The following LACC1 variants were observed in gnomAD, a reference collection of about 807,000 sequenced individuals.
LACC1 encodes laccase domain multifunctional purine nucleosidase 1.
In LACC1, 25 loss-of-function variants were observed where a neutral mutation model predicts 34.8. That is an observed-to-expected ratio of 0.72 (90% CI 0.52 to 1.00). The LOEUF is 1.00. LACC1 is among the 50% of genes least tolerant of loss of function. The probability of loss-of-function intolerance (pLI) is 0.00; values close to 1 mark genes in which losing one functional copy is unlikely to be tolerated. For synonymous variants in LACC1, 162 were observed against 168.0 expected, an observed-to-expected ratio of 0.96 and a Z score of 0.28; for missense variants, 426 against 511.2, an observed-to-expected ratio of 0.83 and a Z score of 1.61.
intron 3 of LACC1, among the ~76,000 whole-genome samples, chr13:43,883,123 C>G (rs1955154137): frequency 6.6e-6 from 1 of 152,134 alleles, no homozygotes; most frequent in South Asian, 2.1e-4. Context: ...GGTGGGTAAT[C>G]AATTTTTTTC....
chr13:43,889,080 AGGT>A (rs1955456271), intron 5 of LACC1, 98 bp downstream of exon 5: 1 of 946,544 alleles, frequency 1.1e-6, no homozygotes, highest in South Asian at 1.5e-5. Flanking sequence ...AGAAGAATTT[AGGT>A]GGTGGTTATT....
Position 43,890,131 on chromosome 13 carries a change from G to C in LACC1, c.1151G>C (p.Gly384Ala). The change falls in exon 6 of 7, where the codon GGA becomes GCA. Residue 384 changes from glycine (G) to alanine (A), a missense_variant. Transcript: ENST00000325686. The part of the protein sequence containing the change: ...RKATRILLEQ[G>A]GILPQNIQDQ... ...TTCCTAAGGATTCTTCTAGAACAGGGAGGAATTCTTCCACAGAATATTCAG... is the reference window on the plus strand; with the variant it reads ...TTCCTAAGGATTCTTCTAGAACAGGCAGGAATTCTTCCACAGAATATTCAG... 6.2e-7 allele frequency: 1 copy of C among 1,611,778 alleles called. No homozygotes were observed. Among genetic ancestry groups the C allele is most frequent in the Non-Finnish European group, 8.5e-7 (1 of 1,178,996 alleles).
At chr13:43,890,970 G>T (rs539290961) in intron 6 of LACC1, among the ~76,000 whole-genome samples, 1 of 152,300 alleles carries the variant, frequency 6.6e-6, no homozygotes, top group South Asian at 2.1e-4. Flanking sequence ...CAAAAATCAG[G>T]CGAGGGAGCC....
chr13:43,883,143 A>G (rs905263852), intron 3 of LACC1, among the ~76,000 whole-genome samples: 8 of 152,238 alleles, frequency 5.3e-5, no homozygotes, highest in Admixed American at 4.6e-4. Context: ...CATTAACATT[A>G]TAATGAAATG....
chr13:43,887,625 A>C (rs1434635904), intron 4 of LACC1, among the ~76,000 whole-genome samples: 1 of 152,158 alleles, frequency 6.6e-6, no homozygotes, highest in Non-Finnish European at 1.5e-5. Flanking sequence ...TATTTTTGTA[A>C]AAAGGGAGAG....
intron 4 of LACC1, among the ~76,000 whole-genome samples, chr13:43,885,215 C>G (rs1330930519): frequency 6.6e-6 from 1 of 152,182 alleles, no homozygotes; most frequent in African/African-American, 2.4e-5. Flanking sequence ...CTACTCCTAT[C>G]AAACTACCAA....
intron 3 of LACC1, among the ~76,000 whole-genome samples, chr13:43,882,847 C>T (rs891259540): frequency 2.0e-5 from 3 of 152,072 alleles, no homozygotes. Context: ...AATAAGATAA[C>T]TACCAAATTA....
At position 43,890,186 on chromosome 13, in the gene LACC1, A is replaced by G. The variant is rs201502063; in HGVS notation, c.1206A>G (p.Thr402=). 9.0e-5 allele frequency: 146 copies of G among 1,613,814 alleles called. No individual in the cohort carries two copies. The Middle Eastern group carries it at 2.0e-3, about 22-fold the overall frequency. ...AGAACCAAGATCTCAACCTCTGTAC[A>G]TCTTGCCATCCTGACAAGTTTTTCT... The part of the protein sequence containing the change: ...QDQNQDLNLC[T]SCHPDKFFSH... The change falls in exon 6 of 7, where the codon ACA becomes ACG. Residue 402 remains threonine, a synonymous_variant. Transcript: ENST00000325686.
At chr13:43,882,101 G>A (rs368950462) in intron 2 of LACC1, 84 bp from the exon 3 acceptor site, 2 of 992,498 alleles carry the variant, frequency 2.0e-6, no homozygotes, top group Non-Finnish European at 1.5e-6. Context: ...AACAAGGGCA[G>A]GTAGCAGTGA....
Position 43,891,891 on chromosome 13 carries a change from A to T in LACC1, c.*444A>T, listed in dbSNP as rs1955579960. 1 of 152,226 alleles carries T rather than the reference A, an allele frequency of 6.6e-6. No homozygotes were observed. The highest frequency in any genetic ancestry group is 2.4e-5 in the African/African-American group (1 of 41,458). The allele number at this position is 152,226 out of a possible 1,614,324, so 9.4% of individuals were successfully genotyped here. On this transcript the variant is annotated 3_prime_UTR_variant, in exon 7 of 7. Coordinates refer to ENST00000325686, the MANE Select transcript of LACC1 (RefSeq NM_153218.4). ...ATAGCAGTAGAAGAGAACATAAGGAATAGAGGTTAATTTTACCCAGAAGCA... is the reference window on the plus strand; with the variant it reads ...ATAGCAGTAGAAGAGAACATAAGGATTAGAGGTTAATTTTACCCAGAAGCA...
chr13:43,888,738 T>C lies in LACC1; in HGVS notation c.908-19T>C, dbSNP rs1955442437. The C allele has an allele frequency of 6.3e-7, 1 of 1,597,224 alleles. No individual in the cohort carries two copies. Among genetic ancestry groups the C allele is most frequent in the African/African-American group, 1.3e-5 (1 of 74,546 alleles). ...TTATGTTTTGACTTCTCTTATCTCT[T>C]TTTATTCCTATTTACCAGGTTGGAA... On this transcript the variant is annotated intron_variant, in intron 4 of 6. Transcript: ENST00000325686.
chr13:43,881,052 A>T lies in LACC1; in HGVS notation c.67A>T (p.Thr23Ser). Residue 23 changes from threonine to serine, a missense_variant, in exon 2 of 7, where the codon ACA becomes TCA. This residue lies in a region of LACC1 where 217 missense variants were observed against 210.9 expected (regional missense o/e 1.03). Transcript: ENST00000325686. ...GAACTCTCAAAAAAACTGCCATCAG[A>T]CATTACTGAAGACTTTGAATGCTGT... ...KLNSQKNCHQ[T>S]LLKTLNAVQY... 1.2e-6 allele frequency: 2 copies of T among 1,614,204 alleles called. No homozygotes were observed. The highest frequency in any genetic ancestry group is 2.2e-5 in the South Asian group (2 of 91,080).
At chr13:43,887,949 G>A (rs1955403388) in intron 4 of LACC1, among the ~76,000 whole-genome samples, 2 of 152,140 alleles carry the variant, frequency 1.3e-5, no homozygotes, top group African/African-American at 4.8e-5. Context: ...TCTTCTGGAA[G>A]TATATCCAAA....
chr13:43,890,395 G>A, intron 6 of LACC1, 121 bp downstream of exon 6: 6 of 718,484 alleles, frequency 8.4e-6, no homozygotes, highest in Non-Finnish European at 8.5e-6. Flanking sequence ...AAAAAAAAAA[G>A]TTAATTATGT....
intron 4 of LACC1, among the ~76,000 whole-genome samples, chr13:43,884,248 T>C (rs1324242854): frequency 6.6e-6 from 1 of 152,140 alleles, no homozygotes; most frequent in Non-Finnish European, 1.5e-5. Context: ...TAATCCCACA[T>C]TGCAGATTAA....
rs920538176 is a variant in LACC1 at position 43,892,199 on chromosome 13, G to C, written c.*752G>C. The C allele has an allele frequency of 2.1e-5, 3 of 144,844 alleles. No individual in the cohort carries two copies. Among genetic ancestry groups the C allele is most frequent in the Non-Finnish European group, 4.5e-5 (3 of 66,260 alleles). 9.0% of individuals were successfully genotyped at this position (144,844 alleles called of 1,614,324 possible). A position where few individuals can be genotyped will look rare whatever the true frequency, so the allele number is the denominator to read the frequency against. ...TAGGCAGCCAAAAAAAAAAAAGTAA[G>C]GATGTTTTTTTTTTTTTTCCCATGG... On this transcript the variant is annotated 3_prime_UTR_variant, in exon 7 of 7. Transcript: ENST00000325686.
At chr13:43,886,780 TTAAAA>T (rs1468654991) in intron 4 of LACC1, among the ~76,000 whole-genome samples, 3 of 152,180 alleles carry the variant, frequency 2.0e-5, no homozygotes, top group East Asian at 3.9e-4. Context: ...TAAATTAACT[TTAAAA>T]TATAATATAA....
chr13:43,884,443 T>C (rs1211603745), intron 4 of LACC1, among the ~76,000 whole-genome samples: 1 of 152,164 alleles, frequency 6.6e-6, no homozygotes, highest in Non-Finnish European at 1.5e-5. Flanking sequence ...ATAGGAATGT[T>C]AGGCATGTTG....
rs754931905 is a variant in LACC1 at position 43,881,108 on chromosome 13, T to C, written c.123T>C (p.Phe41=). The C allele has an allele frequency of 6.2e-7, 1 of 1,614,204 alleles. No individual in the cohort carries two copies. Among genetic ancestry groups the C allele is most frequent in the Non-Finnish European group, 8.5e-7 (1 of 1,180,032 alleles). Residue 41 remains phenylalanine (F), a synonymous_variant, in exon 2 of 7, where the codon TTT becomes TTC. Transcript: ENST00000325686. ...VQYHHAAKAK[F]LCIMCCSNIS... is the part of the protein sequence containing the mutation. ...ACCACCATGCTGCCAAGGCCAAGTT[T>C]CTCTGTATAATGTGTTGCAGTAACA... is the stretch of plus-strand genomic sequence containing the variant.
Sources: allele counts gnomAD v4.1 joint callset (sites outside exome capture counted in the v4.1 genomes callset), GRCh38; gene constraint gnomAD v4.1.1; regional missense constraint gnomAD v4.1.1; transcripts MANE v1.5; gene names NCBI Gene and HGNC (gene_info 2026-07-23, HGNC 2026-07-21).